Variants in GRIP1 observed in about 807,000 individuals in gnomAD.
The protein encoded by GRIP1 is glutamate receptor-interacting protein 1.
In GRIP1, 45 loss-of-function variants were observed where a neutral mutation model predicts 129.9. The ratio of observed to expected loss-of-function variants is 0.35; its 90% CI spans 0.27 to 0.44. GRIP1 has a LOEUF of 0.44. Among genes scored for constraint, GRIP1 ranks in the 20% least tolerant of loss-of-function variants. GRIP1 has a pLI of 1.00. For synonymous variants in GRIP1, 530 were observed against 520.8 expected (o/e 1.02, Z -0.24); for missense variants, 1,196 against 1,396.8 (o/e 0.86, Z 2.29).
At chr12:66,648,683 G>C (rs2032558008) in intron 1 of GRIP1, among the ~76,000 whole-genome samples, 1 of 152,184 alleles carries the variant, frequency 6.6e-6, no homozygotes, top group South Asian at 2.1e-4. Context: ...GCAAGAAGTT[G>C]ATGACAGAGT....
chr12:66,642,752 C>T (rs2032044243), intron 1 of GRIP1, among the ~76,000 whole-genome samples: 1 of 152,148 alleles, frequency 6.6e-6, no homozygotes, highest in Non-Finnish European at 1.5e-5. Context: ...AATAGGCATA[C>T]CTCCTTCCTA....
rs1592511225 is a variant in GRIP1 at position 67,046,627 on chromosome 12, A to G, written c.58+22423T>C. The stretch of plus-strand genomic sequence containing the variant: ...TTTCTAATTTAAAATTAAATTTAAA[A>G]TATCTGTATTTTTAATTCAAACCTA... On this transcript the variant is annotated intron_variant, in intron 1 of 1. Coordinates refer to the GRIP1 transcript ENST00000643019. Among the ~76,000 whole-genome samples the G allele has an allele frequency of 2.0e-5, 3 of 152,344 alleles. 1 individual carries two copies. In the Middle Eastern group the frequency reaches 0.01, roughly 518 times the overall value.
intron 1 of GRIP1, among the ~76,000 whole-genome samples, chr12:67,034,078 C>T (rs1184846730): frequency 6.6e-6 from 1 of 152,178 alleles, no homozygotes; most frequent in Non-Finnish European, 1.5e-5. Flanking sequence ...AGGGACAACA[C>T]TCTTAATTCA....
At chr12:67,051,974 G>A (rs2043353557) in intron 1 of GRIP1, among the ~76,000 whole-genome samples, 1 of 152,158 alleles carries the variant, frequency 6.6e-6, no homozygotes, top group African/African-American at 2.4e-5. Context: ...GACAGGAAGA[G>A]AACTGGAAAA....
At chr12:66,755,908 G>T (rs1019515540) in intron 1 of GRIP1, among the ~76,000 whole-genome samples, 3 of 152,110 alleles carry the variant, frequency 2.0e-5, no homozygotes, top group African/African-American at 4.8e-5. Context: ...TGTGGCAAGT[G>T]GGTGCAGCTG....
At chr12:66,614,520 A>T (rs556558925) in intron 1 of GRIP1, among the ~76,000 whole-genome samples, 1 of 151,884 alleles carries the variant, frequency 6.6e-6, no homozygotes, top group East Asian at 1.9e-4. Context: ...CACCACTTAC[A>T]CTGTTACCAC....
intron 1 of GRIP1, among the ~76,000 whole-genome samples, chr12:66,834,774 T>C (rs529618707): frequency 1.3e-5 from 2 of 152,114 alleles, no homozygotes; most frequent in African/African-American, 4.8e-5. Context: ...AAGAATTGCC[T>C]ATAGTCCATA....
chr12:67,062,587 T>C (rs1053979468), intron 1 of GRIP1, among the ~76,000 whole-genome samples: 1 of 152,040 alleles, frequency 6.6e-6, no homozygotes, highest in African/African-American at 2.4e-5. Context: ...TCCCTCCGCA[T>C]TAATCTGTAC....
intron 1 of GRIP1, among the ~76,000 whole-genome samples, chr12:67,003,817 T>A (rs916456840): frequency 5.3e-5 from 8 of 152,220 alleles, no homozygotes; most frequent in Non-Finnish European, 8.8e-5. Flanking sequence ...TAGACATGCA[T>A]TAATTTCCTG....
At chr12:66,421,663 C>CTTTT (rs11380847) in intron 14 of GRIP1, among the ~76,000 whole-genome samples, 1 of 142,518 alleles carries the variant, frequency 7.0e-6, no homozygotes, top group Non-Finnish European at 1.5e-5. Flanking sequence ...TGGAATGTGA[C>CTTTT]TTTTTTTTTT....
At chr12:66,830,047 T>C (rs2039489249) in intron 1 of GRIP1, among the ~76,000 whole-genome samples, 1 of 152,204 alleles carries the variant, frequency 6.6e-6, no homozygotes, top group South Asian at 2.1e-4. Flanking sequence ...AGCCAGGTTA[T>C]TGCCATAATG....
intron 2 of GRIP1, among the ~76,000 whole-genome samples, chr12:66,555,280 G>A (rs2062285742): frequency 6.6e-6 from 1 of 152,136 alleles, no homozygotes. Context: ...TAATTTTTCT[G>A]GATCTTATCC....
chr12:66,866,981 T>C (rs2040216897), intron 1 of GRIP1, among the ~76,000 whole-genome samples: 1 of 152,130 alleles, frequency 6.6e-6, no homozygotes, highest in African/African-American at 2.4e-5. Flanking sequence ...TATTTCATAT[T>C]GTATATTTTA....
intron 1 of GRIP1, among the ~76,000 whole-genome samples, chr12:66,975,498 C>A (rs2042138401): frequency 6.6e-6 from 1 of 152,074 alleles, no homozygotes; most frequent in Admixed American, 6.6e-5. Context: ...CAACTATTAA[C>A]AATAAAAAAT....
intron 1 of GRIP1, among the ~76,000 whole-genome samples, chr12:66,612,343 C>A (rs1390563578): frequency 6.6e-6 from 1 of 152,128 alleles, no homozygotes; most frequent in Non-Finnish European, 1.5e-5. Context: ...CTGTAGGCAA[C>A]TGTAACACAA....
At position 66,670,419 on chromosome 12, in the gene GRIP1, T is replaced by G. The variant is rs180825396; in HGVS notation, c.55+8431A>C. On this transcript the variant is annotated intron_variant, in intron 1 of 24. Transcript: ENST00000359742. ...TGCCAAGGAGGGCAGACTTGAAGAC[T>G]TAACAAAATGATCCACTGGAAATCC... is the stretch of plus-strand genomic sequence containing the variant. Among the ~76,000 whole-genome samples, 310 of 152,286 alleles carry G rather than the reference T, an allele frequency of 2.0e-3. 9 individuals are homozygous for G. Among genetic ancestry groups the G allele is most frequent in the Non-Finnish European group, 3.1e-4 (21 of 68,030 alleles).
chr12:66,995,210 A>C (rs2042450167), intron 1 of GRIP1, among the ~76,000 whole-genome samples: 1 of 151,976 alleles, frequency 6.6e-6, no homozygotes, highest in South Asian at 2.1e-4. Context: ...AAAATGGATC[A>C]TATCTACATG....
chr12:66,730,701 C>CAAAAAAAAAAAAA (rs3051132), intron 1 of GRIP1, among the ~76,000 whole-genome samples: 2 of 71,166 alleles, frequency 2.8e-5, no homozygotes, highest in South Asian at 5.4e-4. Context: ...GGGTCATCTA[C>CAAAAAAAAAAAAA]AAAAAAAAAA....
intron 1 of GRIP1, among the ~76,000 whole-genome samples, chr12:66,708,276 T>G (rs1202509648): frequency 1.3e-5 from 2 of 151,726 alleles, no homozygotes; most frequent in Non-Finnish European, 2.9e-5. Context: ...TAGACACAGC[T>G]CCCCAAGGAA....
Sources: gnomAD v4.1 joint callset for allele counts (sites outside exome capture counted in the v4.1 genomes callset) on GRCh38, gnomAD v4.1.1 for gene constraint, MANE v1.5 for transcripts, NCBI Gene and HGNC (gene_info 2026-07-23, HGNC 2026-07-21) for gene names.